KCNAB1: variants seen among roughly 807,000 people sequenced by gnomAD.
KCNAB1 encodes potassium voltage-gated channel subfamily A regulatory beta subunit 1, also known as voltage-gated potassium channel subunit beta-1.
A neutral mutation model predicts 64.6 loss-of-function variants in KCNAB1; 35 were observed. That is an observed-to-expected ratio of 0.54 (90% CI 0.41 to 0.72). KCNAB1 has a LOEUF of 0.72. KCNAB1 is among the 30% of genes least tolerant of loss of function. The pLI is 0.00. For missense variants in KCNAB1, 401 were observed against 512.9 expected, an observed-to-expected ratio of 0.78 and a Z score of 2.11; for synonymous variants, 177 against 183.8, an observed-to-expected ratio of 0.96 and a Z score of 0.30.
chr3:156,143,123 T>C (rs182783538), intron 1 of KCNAB1: 16 of 1,500,704 alleles, frequency 1.1e-5, no homozygotes, highest in African/African-American at 1.4e-5. Context: ...CAAGATACAG[T>C]GAGTCTTAAA....
intron 1 of KCNAB1, among the ~76,000 whole-genome samples, chr3:156,295,971 A>C (rs1720748845): frequency 6.6e-6 from 1 of 152,114 alleles, no homozygotes; most frequent in South Asian, 2.1e-4. Context: ...CTATATCACT[A>C]TGTGTTTGTA....
At chr3:156,351,742 G>C (rs1421573912) in intron 1 of KCNAB1, among the ~76,000 whole-genome samples, 1 of 152,152 alleles carries the variant, frequency 6.6e-6, no homozygotes, top group Non-Finnish European at 1.5e-5. Context: ...CTTTACTTCT[G>C]GATTTACTTT....
intron 1 of KCNAB1, among the ~76,000 whole-genome samples, chr3:156,219,877 C>A (rs1005541141): frequency 2.0e-5 from 3 of 152,024 alleles, no homozygotes. Context: ...AGCCCCTAAC[C>A]CCCTGACAGG....
At chr3:156,224,451 C>G (rs571503015) in intron 1 of KCNAB1, among the ~76,000 whole-genome samples, 2 of 151,690 alleles carry the variant, frequency 1.3e-5, no homozygotes, top group East Asian at 3.9e-4. Context: ...CAAGAGCAAG[C>G]GAGGGCTGCG....
chr3:156,491,001 C>T (rs1715591828), intron 8 of KCNAB1, among the ~76,000 whole-genome samples: 1 of 152,116 alleles, frequency 6.6e-6, no homozygotes, highest in Admixed American at 6.5e-5. Flanking sequence ...GGATTCTCAA[C>T]AGCAACATGG....
intron 1 of KCNAB1, among the ~76,000 whole-genome samples, chr3:156,245,600 CTA>C (rs149000252): frequency 0.015 from 2,270 of 152,234 alleles, 59 homozygotes; most frequent in African/African-American, 0.052. Context: ...ATTCCCTTTA[CTA>C]TATAATATTT....
intron 1 of KCNAB1, among the ~76,000 whole-genome samples, chr3:156,129,409 T>C (rs1713865920): frequency 6.6e-6 from 1 of 152,206 alleles, no homozygotes; most frequent in African/African-American, 2.4e-5. Context: ...ACGTTTACTT[T>C]TCAGGTTGTT....
chr3:156,342,585 C>CTTTTTTTTT (rs60982892), intron 1 of KCNAB1, among the ~76,000 whole-genome samples: 5 of 86,264 alleles, frequency 5.8e-5, no homozygotes, highest in Admixed American at 1.3e-4. Context: ...CTATGTGTTT[C>CTTTTTTTTT]TTTTTTTTTT....
intron 1 of KCNAB1, among the ~76,000 whole-genome samples, chr3:156,372,551 G>C (rs1726380300): frequency 6.6e-6 from 1 of 152,196 alleles, no homozygotes; most frequent in Admixed American, 6.5e-5. Flanking sequence ...GATGATGCTG[G>C]TGGACAGGGT....
At chr3:156,406,308 T>A (rs910723636) in intron 1 of KCNAB1, among the ~76,000 whole-genome samples, 4 of 152,148 alleles carry the variant, frequency 2.6e-5, no homozygotes, top group African/African-American at 9.7e-5. Flanking sequence ...ATTCCCCAGC[T>A]CCTTGGTCAG....
chr3:156,488,755 G>T (rs1715404462), intron 8 of KCNAB1, among the ~76,000 whole-genome samples: 1 of 152,110 alleles, frequency 6.6e-6, no homozygotes, highest in Non-Finnish European at 1.5e-5. Context: ...AGGGGCAAAT[G>T]TAGGAGCAGG....
chr3:156,477,522 C>G (rs1407223760), intron 8 of KCNAB1, among the ~76,000 whole-genome samples: 2 of 152,130 alleles, frequency 1.3e-5, no homozygotes, highest in African/African-American at 4.8e-5. Flanking sequence ...ACCTCTGAGG[C>G]TTATTCTTCT....
intron 1 of KCNAB1, among the ~76,000 whole-genome samples, chr3:156,323,141 T>C (rs1722775610): frequency 1.3e-5 from 2 of 152,218 alleles, no homozygotes. Flanking sequence ...TAAATTCTTC[T>C]TAATTTTTTT....
At chr3:156,189,890 A>G (rs1310534357) in intron 1 of KCNAB1, among the ~76,000 whole-genome samples, 1 of 152,160 alleles carries the variant, frequency 6.6e-6, no homozygotes, top group Admixed American at 6.5e-5. Flanking sequence ...AACTAAACAA[A>G]TCGCCAATCA....
chr3:156,335,778 C>T (rs1473787293), intron 1 of KCNAB1, among the ~76,000 whole-genome samples: 1 of 150,518 alleles, frequency 6.6e-6, no homozygotes, highest in East Asian at 1.9e-4. Flanking sequence ...CAATATTGTG[C>T]TTAGATAGAA....
At chr3:156,308,352 AT>A (rs1576704924) in intron 1 of KCNAB1, among the ~76,000 whole-genome samples, 1 of 152,150 alleles carries the variant, frequency 6.6e-6, no homozygotes, top group East Asian at 1.9e-4. Flanking sequence ...ATGGAGCAGG[AT>A]TTTGAGCTGA....
intron 1 of KCNAB1, among the ~76,000 whole-genome samples, chr3:156,312,727 A>AAAAAAAAAAAAAAAAAC: frequency 6.6e-6 from 1 of 150,932 alleles, no homozygotes; most frequent in Non-Finnish European, 1.5e-5. Context: ...AAAAAAAAAA[A>AAAAAAAAAAAAAAAAAC]AAAACTCATA....
chr3:156,164,907 A>G (rs979971685), intron 1 of KCNAB1, among the ~76,000 whole-genome samples: 2 of 152,232 alleles, frequency 1.3e-5, no homozygotes, highest in Non-Finnish European at 2.9e-5. Context: ...GAAGAATTGA[A>G]AAGCTGTACT....
chr3:156,130,869 G>A (rs186848032), intron 1 of KCNAB1, among the ~76,000 whole-genome samples: 21 of 152,350 alleles, frequency 1.4e-4, no homozygotes, highest in African/African-American at 4.3e-4. Context: ...TAGGTGGATA[G>A]CAAAGGGTTG....
Sources: allele counts gnomAD v4.1 joint callset (sites outside exome capture counted in the v4.1 genomes callset), GRCh38; gene constraint gnomAD v4.1.1; transcripts MANE v1.5; gene names NCBI Gene and HGNC (gene_info 2026-07-23, HGNC 2026-07-21).